ADAP1: variants seen among roughly 807,000 people sequenced by gnomAD.
ADAP1 encodes arf-GAP with dual PH domain-containing protein 1.
ADAP1 carries 31 observed loss-of-function variants against 54.9 expected under a neutral mutation model. The observed-to-expected ratio is 0.56, with a 90% CI of 0.42 to 0.76. The LOEUF (loss-of-function observed/expected upper bound fraction) is 0.76, where lower values mean the gene tolerates loss of function less well. Among genes scored for constraint, ADAP1 ranks in the 30% least tolerant of loss-of-function variants. ADAP1 has a pLI of 0.00. For synonymous variants in ADAP1, 313 were observed against 202.6 expected (o/e 1.55, Z -4.63); for missense variants, 535 against 512.4 (o/e 1.04, Z -0.42).
intron 1 of ADAP1, among the ~76,000 whole-genome samples, chr7:947,214 GTTTTT>G (rs373444087): frequency 2.4e-5 from 2 of 84,176 alleles, no homozygotes; most frequent in African/African-American, 4.7e-5. Flanking sequence ...TGATTTTTTG[GTTTTT>G]TTTTTTTTTT....
chr7:917,499 C>T (rs570518305), intron 4 of ADAP1, among the ~76,000 whole-genome samples: 2 of 152,316 alleles, frequency 1.3e-5, no homozygotes, highest in African/African-American at 2.4e-5. Flanking sequence ...GACTTTTGCT[C>T]TGCCGCCCAG....
At position 898,057 on chromosome 7, in the gene ADAP1, T is replaced by TGA. The variant is rs1347397175; in HGVS notation, c.*862_*863dup. On this transcript the variant is annotated 3_prime_UTR_variant, in exon 11 of 11. Coordinates refer to ENST00000265846, the MANE Select transcript of ADAP1 (RefSeq NM_006869.4). ...CTGGGAGAGGGCTGGGCCCCCCAGG[T>TGA]GACCTGCAGACGCCTCCCCCACCTA... is the stretch of plus-strand genomic sequence containing the variant. 2.0e-5 allele frequency: 3 copies of TGA among 152,170 alleles called. No individual in the cohort carries two copies. Among genetic ancestry groups the TGA allele is most frequent in the Admixed American group, 6.5e-5 (1 of 15,276 alleles). 9.4% of individuals were successfully genotyped at this position (152,170 alleles called of 1,614,324 possible).
chr7:908,615 T>C (rs1482902990), intron 4 of ADAP1, among the ~76,000 whole-genome samples: 11 of 152,232 alleles, frequency 7.2e-5, no homozygotes, highest in East Asian at 3.9e-4. Context: ...AGAACGCCTG[T>C]TGACTCAGTG....
At chr7:933,545 CTGG>C (rs1846655746) in intron 2 of ADAP1, among the ~76,000 whole-genome samples, 2 of 53,102 alleles carry the variant, frequency 3.8e-5, no homozygotes, top group Admixed American at 4.2e-4. Flanking sequence ...GTCAGTGGTG[CTGG>C]AGAGCCGGGG....
At chr7:924,611 C>T (rs1400036461) in intron 3 of ADAP1, among the ~76,000 whole-genome samples, 1 of 150,898 alleles carries the variant, frequency 6.6e-6, no homozygotes, top group African/African-American at 2.4e-5. Flanking sequence ...TGCACCCCTG[C>T]CATGCCCCAG....
chr7:929,940 CA>C (rs1271241545), intron 2 of ADAP1, among the ~76,000 whole-genome samples: 2 of 151,422 alleles, frequency 1.3e-5, no homozygotes, highest in Non-Finnish European at 2.9e-5. Context: ...CCCGTCTCTA[CA>C]AAAAATACAA....
upstream of ADAP1, chr7:955,338 T>A (rs1203687929): frequency 1.3e-6 from 2 of 1,550,210 alleles, no homozygotes; most frequent in African/African-American, 2.7e-5. Context: ...CCCAGCATCT[T>A]TTCAAATTCT....
chr7:905,330 A>G lies in ADAP1; in HGVS notation c.389-158T>C, dbSNP rs1441176292. ...AGACGGACGGGGAGAGGGGACATGGAGGAGACAGGGAGATAGGAAGATGGG... is the reference window on the plus strand; with the variant it reads ...AGACGGACGGGGAGAGGGGACATGGGGGAGACAGGGAGATAGGAAGATGGG... On this transcript the variant is annotated intron_variant, in intron 4 of 10. Coordinates refer to ENST00000265846, the MANE Select transcript of ADAP1 (RefSeq NM_006869.4). The G allele has an allele frequency of 1.8e-4, 74 of 400,446 alleles. 4 individuals carry two copies. Among genetic ancestry groups the G allele is most frequent in the South Asian group, 4.0e-4 (15 of 37,576 alleles). 24.8% of individuals were successfully genotyped at this position (400,446 alleles called of 1,614,324 possible).
Position 906,785 on chromosome 7 carries a change from G to C in ADAP1, c.389-1613C>G, listed in dbSNP as rs1305510909. 2.0e-4 allele frequency among the ~76,000 whole-genome samples: 3 copies of C among 14,772 alleles called. 1 individual carries two copies. Among genetic ancestry groups the C allele is most frequent in the African/African-American group, 7.7e-4 (3 of 3,886 alleles). The allele number at this position is 14,772 out of a possible 152,430, so 9.7% of individuals were successfully genotyped here. On this transcript the variant is annotated intron_variant, in intron 4 of 10. Coordinates refer to ENST00000265846, the MANE Select transcript of ADAP1 (RefSeq NM_006869.4). ...AGGGGACATGGGGGACAGGGGACACGGGGGACGGGACAGGGGACATGGGGG... is the reference window on the plus strand; with the variant it reads ...AGGGGACATGGGGGACAGGGGACACCGGGGACGGGACAGGGGACATGGGGG...
Position 933,498 on chromosome 7 carries a change from GTC to G in ADAP1, c.213+1875_213+1876del, listed in dbSNP as rs1562932247. Among the ~76,000 whole-genome samples, 3 of 135,130 alleles carry G rather than the reference GTC, an allele frequency of 2.2e-5. No homozygotes were observed. In the South Asian group the frequency reaches 6.9e-4, roughly 31 times the overall value. The allele number at this position is 135,130 out of a possible 152,430, so 88.7% of individuals were successfully genotyped here. A position where few individuals can be genotyped will look rare whatever the true frequency, so the allele number is the denominator to read the frequency against. On this transcript the variant is annotated intron_variant, in intron 2 of 10. Coordinates refer to ENST00000265846, the MANE Select transcript of ADAP1 (RefSeq NM_006869.4). ...TGGTGCTGGAGAGCCGGGGGCCGGG[GTC>G]AGTGGTGCTGGAGAGCCGGGGGCCG...
rs139346036 is a variant in ADAP1, at chr7:899,115, G to A, written c.1014C>T (p.Cys338=). 119 of 1,608,824 alleles carry A rather than the reference G, an allele frequency of 7.4e-5. No individual in the cohort carries two copies. The highest frequency in any genetic ancestry group is 4.0e-4 in the African/African-American group (30 of 75,052). The change falls in exon 10 of 11, where the codon TGC becomes TGT. Residue 338 remains cysteine (C), a synonymous_variant. Transcript: ENST00000265846. The part of the protein sequence containing the change: ...VTPDRKFLFA[C]ETESDQREWV... ...ACTCCCTCTGGTCGGACTCCGTCTC[G>A]CAGGCAAACAGAAACTTGCGGTCGG...
rs1845163025 is a variant in ADAP1, at chr7:905,550, G to GGAGAAAGGAGAAAGGAGAAA, written c.389-379_389-378insTTTCTCCTTTCTCCTTTCTC. On this transcript the variant is annotated intron_variant, in intron 4 of 10. Coordinates refer to ENST00000265846, the MANE Select transcript of ADAP1 (RefSeq NM_006869.4). Reference sequence around the variant, plus strand: ...AGAAGGGAGAAGGGAGAAGGGAGAAGGGAGAAAGGAGAAAGGAGAAAGGAG... The same window carrying GGAGAAAGGAGAAAGGAGAAA: ...AGAAGGGAGAAGGGAGAAGGGAGAAGGAGAAAGGAGAAAGGAGAAAGGAGAAAGGAGAAAGGAGAAAGGAG... 3.3e-4 allele frequency: 2 copies of GGAGAAAGGAGAAAGGAGAAA among 6,084 alleles called. 1 individual carries two copies. Among genetic ancestry groups the GGAGAAAGGAGAAAGGAGAAA allele is most frequent in the Non-Finnish European group, 5.2e-4 (2 of 3,850 alleles). 0.4% of individuals were successfully genotyped at this position (6,084 alleles called of 1,614,324 possible). A position where few individuals can be genotyped will look rare whatever the true frequency, so the allele number is the denominator to read the frequency against.
Position 920,861 on chromosome 7 carries a change from C to T in ADAP1, c.306-811G>A, listed in dbSNP as rs373245000. On this transcript the variant is annotated intron_variant, in intron 3 of 10. Transcript: ENST00000265846. The surrounding 1 kb of genome is among the most constrained non-coding windows in gnomAD (Gnocchi z 4.5). ...ACGGCCCAGGTGCACAGGCAGCCGC[C>T]CCAGCCTTTTCCACTCCCAGGGAAT... The T allele has an allele frequency of 1.7e-5, 27 of 1,550,232 alleles. No individual in the cohort carries two copies. The highest frequency in any genetic ancestry group is 1.5e-4 in the East Asian group (6 of 40,918).
chr7:911,100 G>A lies in ADAP1; in HGVS notation c.389-5928C>T, dbSNP rs1034301034. On this transcript the variant is annotated intron_variant, in intron 4 of 10. Transcript: ENST00000265846. ...GGGCCGGCAGAGGCTGAGAACCAGC[G>A]GGCCGTATCCTGCGGAGGGCTCCAG... Among the ~76,000 whole-genome samples, 6 of 152,286 alleles carry A rather than the reference G, an allele frequency of 3.9e-5. No individual in the cohort carries two copies. In the South Asian group the frequency reaches 6.2e-4, roughly 16 times the overall value.
chr7:921,265 C>G (rs1203742678), intron 3 of ADAP1, among the ~76,000 whole-genome samples: 1 of 152,226 alleles, frequency 6.6e-6, no homozygotes, highest in Non-Finnish European at 1.5e-5. Context: ...TTTGGGCCCA[C>G]CCTACTCCAG....
intron 6 of ADAP1, chr7:900,894 G>T: frequency 1.7e-6 from 1 of 601,288 alleles, no homozygotes. Context: ...GGGCCGGGCC[G>T]GGCCGGGCTG....
intron 6 of ADAP1, chr7:900,972 T>C (rs1405098538): frequency 1.9e-5 from 10 of 524,580 alleles, no homozygotes; most frequent in Non-Finnish European, 3.4e-5. Context: ...TGGGCCAACT[T>C]GCCTTCCTTT....
intron 5 of ADAP1, among the ~76,000 whole-genome samples, 161 bp downstream of exon 5, chr7:904,899 G>C (rs527744688): frequency 6.6e-6 from 1 of 152,222 alleles, no homozygotes; most frequent in Non-Finnish European, 1.5e-5. Flanking sequence ...CCGGCACACA[G>C]AGGCTCAGCC....
At chr7:952,448 C>T (rs1847294552) in intron 1 of ADAP1, among the ~76,000 whole-genome samples, 1 of 152,186 alleles carries the variant, frequency 6.6e-6, no homozygotes, top group African/African-American at 2.4e-5. Context: ...GGAGTGGCTC[C>T]TTGTCACCCA....
Sources: allele counts gnomAD v4.1 joint callset (sites outside exome capture counted in the v4.1 genomes callset), GRCh38; gene constraint gnomAD v4.1.1; non-coding constraint Gnocchi (gnomAD v3.1); transcripts MANE v1.5; gene names NCBI Gene and HGNC (gene_info 2026-07-23, HGNC 2026-07-21).